Variants in RWDD1 observed in about 807,000 individuals in gnomAD.
RWDD1 encodes RWD domain-containing protein 1.
Under a neutral mutation model 31.6 loss-of-function variants are expected in RWDD1, and 17 were observed. The observed-to-expected ratio is 0.54, with a 90% CI of 0.37 to 0.81. The LOEUF (loss-of-function observed/expected upper bound fraction) is 0.81. Ranked by LOEUF, RWDD1 falls within the 30% of genes least tolerant of loss-of-function variation. The pLI is 0.00. For missense variants in RWDD1, 204 were observed against 274.5 expected (o/e 0.74, Z 1.82); for synonymous variants, 78 against 94.2 (o/e 0.83, Z 0.99).
At chr6:116,584,458 C>A (rs1775004260) in intron 2 of RWDD1, among the ~76,000 whole-genome samples, 1 of 152,198 alleles carries the variant, frequency 6.6e-6, no homozygotes. Context: ...TGACGTTTAT[C>A]CACCCTCTTT....
chr6:116,590,250 CTTT>C lies in RWDD1; in HGVS notation c.415-13_415-11del, dbSNP rs2243349. On this transcript the variant is annotated intron_variant, in intron 4 of 6. Transcript: ENST00000466444. ...AACTGCTGTTTCATTAATCTGGTGACTTTTTTTTTTTATTTCCTAAGCAATTAT... is the reference window on the plus strand; with the variant it reads ...AACTGCTGTTTCATTAATCTGGTGACTTTTTTTTATTTCCTAAGCAATTAT... 5 of 1,078,162 alleles carry C rather than the reference CTTT, an allele frequency of 4.6e-6. No homozygotes were observed. Among genetic ancestry groups the C allele is most frequent in the East Asian group, 3.1e-5 (1 of 32,268 alleles). The allele number at this position is 1,078,162 out of a possible 1,614,324, so 66.8% of individuals were successfully genotyped here.
At position 116,593,716 on chromosome 6, in the gene RWDD1, C is replaced by A; in HGVS notation, c.*615C>A. Reference sequence around the variant, plus strand: ...ATCCCAGCACTTTGGGAGGCTGAGGCAGGTGGATCACGAGGTCAGGAGATT... The same window carrying A: ...ATCCCAGCACTTTGGGAGGCTGAGGAAGGTGGATCACGAGGTCAGGAGATT... On this transcript the variant is annotated 3_prime_UTR_variant, in exon 7 of 7. Transcript: ENST00000466444. 6.6e-6 allele frequency: 1 copy of A among 152,332 alleles called. No individual in the cohort carries two copies. The highest frequency in any genetic ancestry group is 1.5e-5 in the Non-Finnish European group (1 of 68,074). The allele number at this position is 152,332 out of a possible 1,614,324, so 9.4% of individuals were successfully genotyped here.
At chr6:116,572,967 TGA>T in intron 1 of RWDD1, 1 of 985,310 alleles carries the variant, frequency 1.0e-6, no homozygotes, top group Non-Finnish European at 1.2e-6. Context: ...AAGAGGGGTT[TGA>T]GAGTGTCATT....
chr6:116,589,349 C>G (rs960572603), intron 4 of RWDD1, among the ~76,000 whole-genome samples: 1 of 151,906 alleles, frequency 6.6e-6, no homozygotes, highest in African/African-American at 2.4e-5. Flanking sequence ...AGCTGATGAG[C>G]TAAAAAAAAT....
chr6:116,592,670 T>C (rs1200044931), intron 6 of RWDD1, among the ~76,000 whole-genome samples: 1 of 152,214 alleles, frequency 6.6e-6, no homozygotes, highest in Non-Finnish European at 1.5e-5. Context: ...TGATAATCAA[T>C]TTTCTATAAC....
At chr6:116,576,379 C>T (rs1419332940) in intron 1 of RWDD1, among the ~76,000 whole-genome samples, 1 of 152,152 alleles carries the variant, frequency 6.6e-6, no homozygotes, top group Non-Finnish European at 1.5e-5. Context: ...GGCGTTGCCA[C>T]ACCTTGAAAA....
At chr6:116,589,558 A>C (rs943140384) in intron 4 of RWDD1, among the ~76,000 whole-genome samples, 1 of 152,200 alleles carries the variant, frequency 6.6e-6, no homozygotes, top group Non-Finnish European at 1.5e-5. Context: ...AAATGAAGTG[A>C]TAAAGCAATG....
chr6:116,587,773 G>A (rs1391633413), intron 3 of RWDD1, among the ~76,000 whole-genome samples: 1 of 152,130 alleles, frequency 6.6e-6, no homozygotes, highest in East Asian at 1.9e-4. Context: ...AGACCAGTTA[G>A]GAGTTTCTTG....
chr6:116,585,226 C>G (rs1462817448), intron 3 of RWDD1, among the ~76,000 whole-genome samples: 1 of 151,858 alleles, frequency 6.6e-6, no homozygotes, highest in Non-Finnish European at 1.5e-5. Flanking sequence ...AACTTCTTCC[C>G]TCTCTGACTT....
At chr6:116,592,953 T>TC (rs1397847982) in intron 6 of RWDD1, 27 bp from the exon 7 acceptor site, 1 of 1,584,540 alleles carries the variant, frequency 6.3e-7, no homozygotes, top group Admixed American at 1.8e-5. Flanking sequence ...AAGGAGATTT[T>TC]TTTTTTTTTT....
intron 6 of RWDD1, among the ~76,000 whole-genome samples, chr6:116,591,906 T>A (rs1775151619): frequency 1.3e-5 from 2 of 152,268 alleles, no homozygotes; most frequent in Non-Finnish European, 2.9e-5. Context: ...AAGCTAGGCC[T>A]TTACTGATAG....
In RWDD1 at chr6:116,595,289, G is replaced by C. The variant is rs1045771192; in HGVS notation, c.*2188G>C. 6.6e-6 allele frequency: 1 copy of C among 152,158 alleles called. No homozygotes were observed. The highest frequency in any genetic ancestry group is 1.5e-5 in the Non-Finnish European group (1 of 68,010). The allele number at this position is 152,158 out of a possible 1,614,324, so 9.4% of individuals were successfully genotyped here. A position where few individuals can be genotyped will look rare whatever the true frequency, so the allele number is the denominator to read the frequency against. On this transcript the variant is annotated 3_prime_UTR_variant, in exon 7 of 7. Transcript: ENST00000466444. The stretch of plus-strand genomic sequence containing the variant: ...GGTATTAAAGTGGATGTCCACCTTT[G>C]CCATTTCAGAACCTAAAGGCAGAAT...
intron 6 of RWDD1, among the ~76,000 whole-genome samples, chr6:116,592,466 A>T (rs979865378): frequency 2.6e-5 from 4 of 152,212 alleles, no homozygotes; most frequent in Non-Finnish European, 4.4e-5. Flanking sequence ...GAAGATGTTT[A>T]ATGCAGAGCC....
Position 116,594,321 on chromosome 6 carries a change from TATTTAAATTAGA to T in RWDD1, c.*1231_*1242del, listed in dbSNP as rs1358403330. On this transcript the variant is annotated 3_prime_UTR_variant, in exon 7 of 7. Coordinates refer to ENST00000466444, the MANE Select transcript of RWDD1 (RefSeq NM_015952.4). ...TATCCAAACCATAGCAGTCTTAAAG[TATTTAAATTAGA>T]ATTTAAATTAAAATTTAAATTACAG... The T allele has an allele frequency of 2.0e-5, 3 of 152,138 alleles. No homozygotes were observed. Among genetic ancestry groups the T allele is most frequent in the Admixed American group, 1.3e-4 (2 of 15,282 alleles). The allele number at this position is 152,138 out of a possible 1,614,324, so 9.4% of individuals were successfully genotyped here.
rs1258416574 is a variant in RWDD1 at position 116,595,733 on chromosome 6, TTAAAG to T, written c.*2638_*2642del. On this transcript the variant is annotated 3_prime_UTR_variant, in exon 7 of 7. Coordinates refer to ENST00000466444, the MANE Select transcript of RWDD1 (RefSeq NM_015952.4). The stretch of plus-strand genomic sequence containing the variant: ...AGTGCAAAATTAATTCTAATGTATT[TTAAAG>T]TAAAGCATGAGAGTTCAAAGAAATG... The T allele has an allele frequency of 5.9e-5, 9 of 152,350 alleles. No homozygotes were observed. Among genetic ancestry groups the T allele is most frequent in the African/African-American group, 2.2e-4 (9 of 41,580 alleles). 9.4% of individuals were successfully genotyped at this position (152,350 alleles called of 1,614,324 possible). A position where few individuals can be genotyped will look rare whatever the true frequency, so the allele number is the denominator to read the frequency against.
At chr6:116,590,235 T>G (rs765716303) in intron 4 of RWDD1, 37 bp from the exon 5 acceptor site, 1 of 1,210,478 alleles carries the variant, frequency 8.3e-7, no homozygotes, top group Non-Finnish European at 1.2e-6. Flanking sequence ...AACTGCTGTT[T>G]CATTAATCTG....
intron 6 of RWDD1, among the ~76,000 whole-genome samples, chr6:116,592,637 C>T (rs1775165484): frequency 6.6e-6 from 1 of 152,182 alleles, no homozygotes; most frequent in Admixed American, 6.5e-5. Context: ...AGAGATAACT[C>T]CTCATACAGG....
rs1363994375 is a variant in RWDD1 at position 116,596,775 on chromosome 6, G to C, written c.*3674G>C. The C allele has an allele frequency of 6.6e-6, 1 of 151,994 alleles. No individual in the cohort carries two copies. Among genetic ancestry groups the C allele is most frequent in the East Asian group, 1.9e-4 (1 of 5,172 alleles). 9.4% of individuals were successfully genotyped at this position (151,994 alleles called of 1,614,324 possible). A position where few individuals can be genotyped will look rare whatever the true frequency, so the allele number is the denominator to read the frequency against. ...CCACTCTTTATCATTAAGGTGAAAAGTTCATTCAATTAAGGTATTTGAGTG... is the reference window on the plus strand; with the variant it reads ...CCACTCTTTATCATTAAGGTGAAAACTTCATTCAATTAAGGTATTTGAGTG... On this transcript the variant is annotated 3_prime_UTR_variant, in exon 7 of 7. Coordinates refer to ENST00000466444, the MANE Select transcript of RWDD1 (RefSeq NM_015952.4).
chr6:116,585,795 T>C (rs543744566), intron 3 of RWDD1, among the ~76,000 whole-genome samples: 4 of 152,184 alleles, frequency 2.6e-5, no homozygotes, highest in South Asian at 2.1e-4. Context: ...TCTTTTTTTA[T>C]ATATTTTTAT....
Sources: allele counts gnomAD v4.1 joint callset (sites outside exome capture counted in the v4.1 genomes callset), GRCh38; gene constraint gnomAD v4.1.1; transcripts MANE v1.5; gene names NCBI Gene and HGNC (gene_info 2026-07-23, HGNC 2026-07-21).